The following BBX variants were observed in gnomAD, a reference collection of about 807,000 sequenced individuals.
BBX encodes the protein BBX high mobility group box domain containing.
Under a neutral mutation model 100.2 loss-of-function variants are expected in BBX, and 30 were observed. The ratio of observed to expected loss-of-function variants is 0.30; its 90% CI spans 0.22 to 0.41. BBX has a LOEUF of 0.41. Among genes scored for constraint, BBX ranks in the 10% least tolerant of loss-of-function variants. The pLI is 1.00. For missense variants in BBX, 1,023 were observed against 1,129.8 expected (o/e 0.91, Z 1.35); for synonymous variants, 376 against 388.1 (o/e 0.97, Z 0.37).
chr3:107,723,687 T>A (rs1284396589), intron 5 of BBX, among the ~76,000 whole-genome samples: 1 of 152,164 alleles, frequency 6.6e-6, no homozygotes, highest in Non-Finnish European at 1.5e-5. Flanking sequence ...TGTGATAGTT[T>A]GCTGAGAATG....
chr3:107,701,129 C>T (rs949074271), intron 3 of BBX, among the ~76,000 whole-genome samples: 1 of 152,090 alleles, frequency 6.6e-6, no homozygotes, highest in Middle Eastern at 3.2e-3. Context: ...TAATGATCAC[C>T]ATTCTAACTG....
intron 3 of BBX, among the ~76,000 whole-genome samples, chr3:107,684,385 G>T (rs1257751870): frequency 6.6e-6 from 1 of 152,042 alleles, no homozygotes; most frequent in Non-Finnish European, 1.5e-5. Context: ...TTTTCCCATA[G>T]TTGCGATATT....
rs184615137 is a variant in BBX, at chr3:107,747,844, G to C, written c.751-121G>C. 145 of 694,728 alleles carry C rather than the reference G, an allele frequency of 2.1e-4. No individual in the cohort carries two copies. In the East Asian group the frequency reaches 3.7e-3, roughly 18 times the overall value. 43.0% of individuals were successfully genotyped at this position (694,728 alleles called of 1,614,324 possible). On this transcript the variant is annotated intron_variant, in intron 8 of 17. Transcript: ENST00000325805. The stretch of plus-strand genomic sequence containing the variant: ...TTTATACTGCTCTTCTAAAGGGATT[G>C]AGGGTAATGACTCATTTTTAAATCT...
intron 3 of BBX, among the ~76,000 whole-genome samples, chr3:107,706,215 G>C (rs1428580130): frequency 6.6e-6 from 1 of 151,740 alleles, no homozygotes; most frequent in African/African-American, 2.4e-5. Context: ...GTAGAAACAG[G>C]GTTTCACCAT....
intron 2 of BBX, among the ~76,000 whole-genome samples, chr3:107,635,182 T>A (rs934352081): frequency 2.0e-5 from 3 of 152,200 alleles, no homozygotes; most frequent in Non-Finnish European, 2.9e-5. Context: ...GAAAATTATA[T>A]TTAGAATAGT....
At chr3:107,665,503 C>T (rs1050203626) in intron 3 of BBX, among the ~76,000 whole-genome samples, 51 of 152,228 alleles carry the variant, frequency 3.4e-4, no homozygotes, top group African/African-American at 1.2e-3. Context: ...CCTTACTGAG[C>T]TTTAGGCCCA....
chr3:107,732,569 A>G (rs149905953), intron 6 of BBX, among the ~76,000 whole-genome samples: 4 of 152,352 alleles, frequency 2.6e-5, no homozygotes, highest in African/African-American at 9.6e-5. Flanking sequence ...GGCAGAATTA[A>G]TAATTTGAGA....
intron 2 of BBX, among the ~76,000 whole-genome samples, chr3:107,535,415 T>C (rs1037107411): frequency 1.3e-5 from 2 of 152,116 alleles, no homozygotes; most frequent in South Asian, 4.1e-4. Context: ...AAACTTAGTA[T>C]ATAATTGATG....
chr3:107,533,612 T>C (rs2048306434), intron 2 of BBX, among the ~76,000 whole-genome samples: 1 of 152,260 alleles, frequency 6.6e-6, no homozygotes, highest in African/African-American at 2.4e-5. Context: ...CACATTTCAC[T>C]GAACCTCTTA....
chr3:107,653,584 A>G (rs1222234858), intron 3 of BBX, among the ~76,000 whole-genome samples: 1 of 152,206 alleles, frequency 6.6e-6, no homozygotes, highest in African/African-American at 2.4e-5. Context: ...TAACCTGCTT[A>G]ATTTGCAGTT....
intron 2 of BBX, among the ~76,000 whole-genome samples, chr3:107,603,825 T>C (rs943258235): frequency 6.6e-6 from 1 of 152,180 alleles, no homozygotes; most frequent in African/African-American, 2.4e-5. Context: ...GTTTTTAAAA[T>C]ATAAGATATT....
chr3:107,687,776 C>T (rs769565260), intron 3 of BBX, among the ~76,000 whole-genome samples: 26 of 152,212 alleles, frequency 1.7e-4, no homozygotes, highest in Non-Finnish European at 3.1e-4. Context: ...CAAAATGGTC[C>T]GGGCACGGTG....
chr3:107,782,458 C>T (rs1223671965), intron 13 of BBX, among the ~76,000 whole-genome samples: 8 of 151,898 alleles, frequency 5.3e-5, no homozygotes, highest in African/African-American at 1.7e-4. Flanking sequence ...CAAAAGCCAC[C>T]ACCACCAGAG....
chr3:107,577,931 A>G (rs187368598), intron 2 of BBX, among the ~76,000 whole-genome samples: 246 of 152,324 alleles, frequency 1.6e-3, no homozygotes, highest in Non-Finnish European at 1.1e-3. Flanking sequence ...TCAAATATCA[A>G]TAAGGCAAAG....
intron 2 of BBX, among the ~76,000 whole-genome samples, chr3:107,570,837 G>C (rs2051299769): frequency 6.6e-6 from 1 of 152,084 alleles, no homozygotes; most frequent in South Asian, 2.1e-4. Context: ...GAAAGAAGAA[G>C]GATTTGGGAC....
At chr3:107,697,229 T>A (rs1413834092) in intron 3 of BBX, among the ~76,000 whole-genome samples, 1 of 151,942 alleles carries the variant, frequency 6.6e-6, no homozygotes. Context: ...AGCTTTGTTC[T>A]GTTGCTGGTG....
chr3:107,560,647 C>G (rs1425910588), intron 2 of BBX, among the ~76,000 whole-genome samples: 1 of 152,166 alleles, frequency 6.6e-6, no homozygotes, highest in Non-Finnish European at 1.5e-5. Context: ...CATTAGAGAT[C>G]ACTGCTTATT....
intron 2 of BBX, among the ~76,000 whole-genome samples, chr3:107,608,336 C>T (rs940187372): frequency 3.3e-5 from 5 of 152,096 alleles, no homozygotes; most frequent in African/African-American, 1.2e-4. Flanking sequence ...GTCCTTTCCC[C>T]AGTGTATGTT....
At chr3:107,743,847 A>T (rs1441141356) in intron 7 of BBX, among the ~76,000 whole-genome samples, 1 of 151,352 alleles carries the variant, frequency 6.6e-6, no homozygotes, top group Non-Finnish European at 1.5e-5. Context: ...CTGGAAGAAT[A>T]TATAAGAGTA....
Sources: gnomAD v4.1 joint callset for allele counts (sites outside exome capture counted in the v4.1 genomes callset) on GRCh38, gnomAD v4.1.1 for gene constraint, MANE v1.5 for transcripts, NCBI Gene and HGNC (gene_info 2026-07-23, HGNC 2026-07-21) for gene names.